Variants in CDK5RAP1 observed in about 807,000 individuals in gnomAD.
The protein encoded by CDK5RAP1 is mitochondrial tRNA methylthiotransferase CDK5RAP1.
CDK5RAP1 carries 62 observed loss-of-function variants against 64.5 expected under a neutral mutation model. The observed-to-expected ratio is 0.96, with a 90% CI of 0.78 to 1.19. The LOEUF (loss-of-function observed/expected upper bound fraction) is 1.19. Among genes scored for constraint, CDK5RAP1 ranks in the 50% most tolerant of loss-of-function variants. The pLI is 0.00. For missense variants in CDK5RAP1, 657 were observed against 735.0 expected (o/e 0.89, Z 1.23); for synonymous variants, 250 against 261.9 (o/e 0.95, Z 0.44).
At chr20:33,363,956 G>A (rs1020620767) in intron 12 of CDK5RAP1, among the ~76,000 whole-genome samples, 3 of 151,790 alleles carry the variant, frequency 2.0e-5, no homozygotes, top group African/African-American at 7.3e-5. Flanking sequence ...CAGGTTCCAT[G>A]ATTTGAAAAA....
rs35954744 is a variant in CDK5RAP1, at chr20:33,368,459, A to ATTTTTTTTTTTTTT, written c.1393-1465_1393-1452dup. On this transcript the variant is annotated intron_variant, in intron 11 of 13. Transcript: ENST00000346416. ...AGGCATGTGCCACCACTCTCGGCTA[A>ATTTTTTTTTTTTTT]TTTTTTTTTTTTTTTTTTTTTTTTT... is the stretch of plus-strand genomic sequence containing the variant. 3.0e-5 allele frequency among the ~76,000 whole-genome samples: 2 copies of ATTTTTTTTTTTTTT among 67,566 alleles called. 1 individual carries two copies. The highest frequency in any genetic ancestry group is 5.3e-5 in the Non-Finnish European group (2 of 37,892). 44.3% of individuals were successfully genotyped at this position (67,566 alleles called of 152,430 possible). A position where few individuals can be genotyped will look rare whatever the true frequency, so the allele number is the denominator to read the frequency against.
At chr20:33,394,666 G>T (rs1348349690) in intron 3 of CDK5RAP1, among the ~76,000 whole-genome samples, 1 of 151,850 alleles carries the variant, frequency 6.6e-6, no homozygotes, top group Non-Finnish European at 1.5e-5. Context: ...ATTTTTAAGG[G>T]TACAGTCCTG....
chr20:33,385,743 CAT>C lies in CDK5RAP1; in HGVS notation c.781_782del (p.Met261ValfsTer2), dbSNP rs771709558. The part of the protein sequence containing the change: ...FVSIMRGCDN[M>X]CSYCIVPFTR... ...TGAAAGGAACAATGCAGTAGCTACA[CAT>C]GTTGTCACAGCCTCGCATGATTGAC... On this transcript the variant is annotated frameshift_variant, in exon 7 of 14. Coordinates refer to ENST00000346416, the MANE Select transcript of CDK5RAP1 (RefSeq NM_016408.4). LOFTEE classifies it high-confidence loss of function. 6.2e-6 allele frequency: 10 copies of C among 1,613,394 alleles called. No homozygotes were observed. The East Asian group carries it at 1.6e-4, about 25-fold the overall frequency.
chr20:33,400,811 G>C, intron 1 of CDK5RAP1, among the ~76,000 whole-genome samples: 1 of 151,746 alleles, frequency 6.6e-6, no homozygotes, highest in Non-Finnish European at 1.5e-5. Context: ...CAAGACTCCC[G>C]TCTCAAGAAA....
chr20:33,394,034 G>C lies in CDK5RAP1; in HGVS notation c.441C>G (p.Ile147Met). 6.3e-7 allele frequency: 1 copy of C among 1,593,020 alleles called. No homozygotes were observed. Among genetic ancestry groups the C allele is most frequent in the South Asian group, 1.1e-5 (1 of 90,682 alleles). ...ADVILLVTCS[I>M]REKAEQTIWN... The stretch of plus-strand genomic sequence containing the variant: ...CTAGGAAAAGAACAAATTCGCACCT[G>C]ATAGAGCATGTGACAAGGAGAATCA... Residue 147 changes from isoleucine to methionine, a missense_variant and splice_region_variant, in exon 4 of 14, where the codon ATC becomes ATG. Ile to Met is a conservative substitution (Grantham distance 10). Transcript: ENST00000346416.
chr20:33,392,886 CT>C (rs11484160), intron 4 of CDK5RAP1, among the ~76,000 whole-genome samples: 154 of 144,648 alleles, frequency 1.1e-3, no homozygotes, highest in Non-Finnish European at 1.1e-3. Flanking sequence ...GCAATTTCTC[CT>C]TTTTTTTTTT....
At chr20:33,367,846 T>G (rs1221693657) in intron 11 of CDK5RAP1, among the ~76,000 whole-genome samples, 1 of 152,178 alleles carries the variant, frequency 6.6e-6, no homozygotes, top group African/African-American at 2.4e-5. Flanking sequence ...GACAAAAATA[T>G]GGAATAAAAG....
chr20:33,385,496 A>G (rs1435761858), intron 7 of CDK5RAP1, 154 bp downstream of exon 7: 1 of 775,474 alleles, frequency 1.3e-6, no homozygotes, highest in Non-Finnish European at 2.0e-6. Context: ...ATTTGTGGGC[A>G]ATAAACCAAT....
intron 3 of CDK5RAP1, 21 bp from the exon 4 acceptor site, chr20:33,394,087 A>ACAAG: frequency 1.3e-6 from 2 of 1,551,004 alleles, no homozygotes; most frequent in Non-Finnish European, 1.8e-6. Context: ...AGAAAGGAAA[A>ACAAG]CAAGGAAAAT....
intron 7 of CDK5RAP1, among the ~76,000 whole-genome samples, chr20:33,380,525 G>C (rs75120803): frequency 0.041 from 6,282 of 152,170 alleles, 448 homozygotes; most frequent in African/African-American, 0.14. Flanking sequence ...TGGTTATGAA[G>C]AGAAAAATTG....
chr20:33,363,772 A>T (rs754088797), intron 12 of CDK5RAP1, among the ~76,000 whole-genome samples: 2 of 152,104 alleles, frequency 1.3e-5, no homozygotes, highest in Non-Finnish European at 2.9e-5. Context: ...GGTTGTACAC[A>T]TTATAGTACC....
chr20:33,387,629 C>T (rs1254252328), intron 5 of CDK5RAP1, 96 bp from the exon 6 acceptor site: 4 of 974,104 alleles, frequency 4.1e-6, no homozygotes, highest in African/African-American at 1.6e-5. Flanking sequence ...GGATTAGAGA[C>T]CAGGGCACAG....
chr20:33,393,318 GGTGT>G (rs1988538513), intron 4 of CDK5RAP1, among the ~76,000 whole-genome samples: 2 of 152,132 alleles, frequency 1.3e-5, no homozygotes, highest in Middle Eastern at 6.8e-3. Flanking sequence ...TGGGATTATA[GGTGT>G]GACCTACTAC....
rs757820354 is a variant in CDK5RAP1 at position 33,396,828 on chromosome 20, C to T, written c.237G>A (p.Leu79=). 2.6e-5 allele frequency: 42 copies of T among 1,614,078 alleles called. No homozygotes were observed. The highest frequency in any genetic ancestry group is 3.5e-5 in the Non-Finnish European group (41 of 1,180,042). The change falls in exon 2 of 14, where the codon CTG becomes CTA. Residue 79 remains leucine (L), a synonymous_variant. Coordinates refer to ENST00000346416, the MANE Select transcript of CDK5RAP1 (RefSeq NM_016408.4). Reference sequence around the variant, plus strand: ...GAGGTGGGTCTTCCACTTCTGAAGACAGCTTCTCCTGAGGAGCTGAGGCAC... The same window carrying T: ...GAGGTGGGTCTTCCACTTCTGAAGATAGCTTCTCCTGAGGAGCTGAGGCAC... ...LKSASAPQEK[L]SSEVEDPPPY...
rs184294225 is a variant in CDK5RAP1, at chr20:33,365,473, T to C, written c.1542+1386A>G. Among the ~76,000 whole-genome samples the C allele has an allele frequency of 8.2e-4, 125 of 152,048 alleles. 1 individual carries two copies. In the East Asian group the frequency reaches 0.023, roughly 28 times the overall value. Reference sequence around the variant, plus strand: ...TTTTAGTAGAGACGGTGATTCACCATGTTGGCCAGACTGGTCTCGAACTCC... The same window carrying C: ...TTTTAGTAGAGACGGTGATTCACCACGTTGGCCAGACTGGTCTCGAACTCC... On this transcript the variant is annotated intron_variant, in intron 12 of 13. Transcript: ENST00000346416.
intron 9 of CDK5RAP1, chr20:33,372,914 T>A (rs1985309493): frequency 6.2e-5 from 1 of 16,140 alleles, no homozygotes; most frequent in Non-Finnish European, 1.3e-4. Context: ...GGACATAAAC[T>A]TTTTTTTTTT....
chr20:33,384,925 C>T (rs1987227003), intron 7 of CDK5RAP1, among the ~76,000 whole-genome samples: 1 of 152,114 alleles, frequency 6.6e-6, no homozygotes, highest in Non-Finnish European at 1.5e-5. Context: ...AAAAAAAGAA[C>T]TGGGGCAGGG....
In CDK5RAP1 at chr20:33,359,223, T is replaced by C. The variant is rs1026966677; in HGVS notation, c.1684-100A>G. On this transcript the variant is annotated intron_variant, in intron 13 of 13. Coordinates refer to ENST00000346416, the MANE Select transcript of CDK5RAP1 (RefSeq NM_016408.4). ...GGAGAAGCCCCCAAAAGGAATCTGA[T>C]GGAGGCGACCGGCTGGCAGAGACCA... 11 of 864,240 alleles carry C rather than the reference T, an allele frequency of 1.3e-5. No individual in the cohort carries two copies. The African/African-American group carries it at 1.5e-4, about 12-fold the overall frequency. 53.5% of individuals were successfully genotyped at this position (864,240 alleles called of 1,614,324 possible). A position where few individuals can be genotyped will look rare whatever the true frequency, so the allele number is the denominator to read the frequency against.
At chr20:33,380,896 A>T (rs1986672920) in intron 7 of CDK5RAP1, among the ~76,000 whole-genome samples, 1 of 152,116 alleles carries the variant, frequency 6.6e-6, no homozygotes, top group African/African-American at 2.4e-5. Flanking sequence ...GCTACTAAGG[A>T]GGGTGAGGCA....
Sources: allele counts gnomAD v4.1 joint callset (sites outside exome capture counted in the v4.1 genomes callset), GRCh38; gene constraint gnomAD v4.1.1; transcripts MANE v1.5; gene names NCBI Gene and HGNC (gene_info 2026-07-23, HGNC 2026-07-21).